HMCN1: variants seen among roughly 807,000 people sequenced by gnomAD.
The protein encoded by HMCN1 is hemicentin-1.
HMCN1 carries 321 observed loss-of-function variants against 625.9 expected under a neutral mutation model. The ratio of observed to expected loss-of-function variants is 0.51; its 90% CI spans 0.47 to 0.56. The LOEUF is 0.56. Among genes scored for constraint, HMCN1 ranks in the 20% least tolerant of loss-of-function variants. The pLI, the probability that HMCN1 is intolerant of heterozygous loss-of-function variation, is 0.00. For synonymous variants in HMCN1, 2,425 were observed against 2,417.6 expected (o/e 1.00, Z -0.09); for missense variants, 6,588 against 6,887.3 (o/e 0.96, Z 1.54).
At chr1:185,867,247 A>G (rs983441622) in intron 4 of HMCN1, among the ~76,000 whole-genome samples, 2 of 152,208 alleles carry the variant, frequency 1.3e-5, no homozygotes, top group African/African-American at 4.8e-5. Context: ...CTAGTGACTC[A>G]GAAATTCCTG....
rs142027487 is a variant in HMCN1, at chr1:185,747,388, G to A, written c.268+12341G>A. ...GGCTGGAGTGCAGTGGCGTGATCTC[G>A]GCTCACTGCAACCTCCACCTCCTTG... On this transcript the variant is annotated intron_variant, in intron 1 of 106. Transcript: ENST00000271588. Among the ~76,000 whole-genome samples the A allele has an allele frequency of 8.9e-3, 1,343 of 151,182 alleles. 20 individuals carry two copies. Among genetic ancestry groups the A allele is most frequent in the African/African-American group, 0.029 (1,211 of 41,136 alleles).
chr1:186,009,466 T>A (rs1653850508), intron 30 of HMCN1, among the ~76,000 whole-genome samples: 1 of 152,128 alleles, frequency 6.6e-6, no homozygotes, highest in African/African-American at 2.4e-5. Flanking sequence ...CTTGTGAAAA[T>A]GCTTTTGTTC....
At chr1:185,975,457 C>T (rs1289883001) in intron 15 of HMCN1, among the ~76,000 whole-genome samples, 2 of 151,966 alleles carry the variant, frequency 1.3e-5, no homozygotes, top group African/African-American at 4.8e-5. Context: ...ATCACCAGAT[C>T]TCATGAGAAT....
At position 186,061,931 on chromosome 1, in the gene HMCN1, G is replaced by A. The variant is rs1378252669; in HGVS notation, c.7393G>A (p.Glu2465Lys). Residue 2465 changes from glutamate (E) to lysine (K), a missense_variant, in exon 47 of 107, where the codon GAA (glutamate) becomes AAA (lysine). Glu to Lys is a moderately conservative substitution (Grantham distance 56). Around this residue, in one of 3 missense-constraint regions of HMCN1, gnomAD observed 4,628 missense variants for 4,853.1 expected, o/e 0.95. Transcript: ENST00000271588. ...TTGCGTTGTAAGGAATGCAGCTGGT[G>A]AAGAAAGAAAAATCTTTGGGCTTTC... is the stretch of plus-strand genomic sequence containing the variant. ...YTCVVRNAAG[E>K]ERKIFGLSVL... The A allele has an allele frequency of 5.6e-6, 9 of 1,612,528 alleles. No homozygotes were observed. The highest frequency in any genetic ancestry group is 1.7e-4 in the Middle Eastern group (1 of 6,054).
At chr1:185,773,836 A>C (rs1214552043) in intron 1 of HMCN1, among the ~76,000 whole-genome samples, 1 of 152,180 alleles carries the variant, frequency 6.6e-6, no homozygotes, top group Non-Finnish European at 1.5e-5. Flanking sequence ...AAAAGATTTC[A>C]TAGAGAGGTG....
intron 45 of HMCN1, 104 bp from the exon 46 acceptor site, chr1:186,057,130 T>A: frequency 1.1e-6 from 1 of 929,722 alleles, no homozygotes; most frequent in Non-Finnish European, 1.7e-6. Flanking sequence ...CTTATTAACA[T>A]ACACTGTTTA....
intron 68 of HMCN1, among the ~76,000 whole-genome samples, chr1:186,101,231 T>G (rs1447991417): frequency 6.6e-6 from 1 of 151,916 alleles, no homozygotes; most frequent in East Asian, 1.9e-4. Flanking sequence ...GAGAAAAAGG[T>G]GTATTCTGGA....
intron 2 of HMCN1, among the ~76,000 whole-genome samples, chr1:185,857,951 G>A (rs1190148882): frequency 2.6e-5 from 4 of 152,144 alleles, no homozygotes; most frequent in Admixed American, 6.5e-5. Flanking sequence ...TGATTATACA[G>A]TGTCTCTGAA....
intron 104 of HMCN1, among the ~76,000 whole-genome samples, chr1:186,180,644 G>A (rs1652875293): frequency 6.6e-6 from 1 of 152,114 alleles, no homozygotes; most frequent in Non-Finnish European, 1.5e-5. Flanking sequence ...CCAATGTTAT[G>A]TTATCACAAT....
intron 1 of HMCN1, among the ~76,000 whole-genome samples, chr1:185,762,895 C>T (rs1172593397): frequency 1.3e-5 from 2 of 152,242 alleles, no homozygotes; most frequent in Non-Finnish European, 2.9e-5. Flanking sequence ...TTGTCCAATG[C>T]TATTGTCCAT....
At chr1:186,020,208 A>T (rs912975715) in intron 35 of HMCN1, among the ~76,000 whole-genome samples, 3 of 151,400 alleles carry the variant, frequency 2.0e-5, no homozygotes, top group Non-Finnish European at 4.4e-5. Flanking sequence ...ACTGTATCTC[A>T]GTACATATTT....
At chr1:185,830,145 T>C (rs549415312) in intron 1 of HMCN1, among the ~76,000 whole-genome samples, 2 of 152,322 alleles carry the variant, frequency 1.3e-5, no homozygotes, top group South Asian at 2.1e-4. Context: ...TCCTGGATAT[T>C]AGACCTTTGT....
At chr1:185,873,687 C>T (rs995221342) in intron 4 of HMCN1, among the ~76,000 whole-genome samples, 15 of 151,990 alleles carry the variant, frequency 9.9e-5, no homozygotes, top group Non-Finnish European at 1.5e-5. Context: ...AACTAACTCT[C>T]ACAGAAAATA....
chr1:186,186,262 C>G (rs972860657), intron 105 of HMCN1, among the ~76,000 whole-genome samples: 1 of 152,148 alleles, frequency 6.6e-6, no homozygotes, highest in Admixed American at 6.5e-5. Context: ...CTTCTGAAAT[C>G]TAATTTAAAA....
Position 186,000,559 on chromosome 1 carries a change from ATGTGTG to A in HMCN1, c.4069+348_4069+353del, listed in dbSNP as rs68110596. On this transcript the variant is annotated intron_variant, in intron 26 of 106. Coordinates refer to ENST00000271588, the MANE Select transcript of HMCN1 (RefSeq NM_031935.3). ...GCGTGTAGGGTGTGTGTGTGTGTGT[ATGTGTG>A]TGTGTGTGTGTGTGTGTGTGTGTGT... Among the ~76,000 whole-genome samples the A allele has an allele frequency of 1.5e-3, 213 of 144,746 alleles. 1 individual carries two copies. The highest frequency in any genetic ancestry group is 4.8e-3 in the African/African-American group (190 of 39,682). 95.0% of individuals were successfully genotyped at this position (144,746 alleles called of 152,430 possible).
At chr1:186,123,306 CA>C in intron 81 of HMCN1, 86 bp downstream of exon 81, 4 of 1,489,048 alleles carry the variant, frequency 2.7e-6, no homozygotes, top group South Asian at 2.4e-5. Context: ...TGATGGAAGT[CA>C]AAAACCCTTA....
intron 57 of HMCN1, among the ~76,000 whole-genome samples, chr1:186,084,165 A>G (rs1659336908): frequency 6.6e-6 from 1 of 152,118 alleles, no homozygotes; most frequent in African/African-American, 2.4e-5. Flanking sequence ...CTATGCCTCT[A>G]TCCCATAACT....
chr1:185,809,574 T>C (rs1659384505), intron 1 of HMCN1, among the ~76,000 whole-genome samples: 1 of 151,918 alleles, frequency 6.6e-6, no homozygotes, highest in Admixed American at 6.6e-5. Flanking sequence ...AGTAAAGTGA[T>C]GAAGACAGGA....
Position 186,055,372 on chromosome 1 carries a change from TTATC to T in HMCN1, c.6863-19_6863-16del. 2 of 1,611,090 alleles carry T rather than the reference TTATC, an allele frequency of 1.2e-6. No individual in the cohort carries two copies. The highest frequency in any genetic ancestry group is 1.7e-6 in the Non-Finnish European group (2 of 1,177,840). ...CAAACATTTCCTCTTTTGTTTCTTT[TTATC>T]TTCCTCCAACCCTCAGTTAGACCAA... On this transcript the variant is annotated splice_polypyrimidine_tract_variant and intron_variant, in intron 44 of 106. Coordinates refer to ENST00000271588, the MANE Select transcript of HMCN1 (RefSeq NM_031935.3).
Sources: gnomAD v4.1 joint callset for allele counts (sites outside exome capture counted in the v4.1 genomes callset) on GRCh38, gnomAD v4.1.1 for gene constraint, gnomAD v4.1.1 regional missense constraint, MANE v1.5 for transcripts, NCBI Gene and HGNC (gene_info 2026-07-23, HGNC 2026-07-21) for gene names.